The following RAI2 variants were observed in gnomAD, a reference collection of about 807,000 sequenced individuals.
RAI2 encodes retinoic acid-induced protein 2.
A neutral mutation model predicts 15.3 loss-of-function variants in RAI2; 5 were observed. The observed-to-expected ratio is 0.33, with a 90% CI of 0.17 to 0.69. The LOEUF (loss-of-function observed/expected upper bound fraction) is 0.69. RAI2 is among the 30% of genes least tolerant of loss of function. The probability of loss-of-function intolerance (pLI) is 0.69; values close to 1 mark genes in which losing one functional copy is unlikely to be tolerated. For synonymous variants in RAI2, 191 were observed against 184.0 expected (o/e 1.04, Z -0.31); for missense variants, 424 against 424.7 (o/e 1.00, Z 0.01).
At chrX:17,852,967 C>T (rs916572801) in intron 1 of RAI2, among the ~76,000 whole-genome samples, 15 of 108,889 alleles carry the variant, frequency 1.4e-4, no homozygotes, top group African/African-American at 5.0e-4. Context: ...TACAATATTA[C>T]GAGCAGAGCT....
chrX:17,827,273 G>C (rs2067237767), intron 1 of RAI2, among the ~76,000 whole-genome samples: 2 of 111,924 alleles, frequency 1.8e-5, no homozygotes. Context: ...ACAGAATCAT[G>C]GCTCAGAACC....
intron 1 of RAI2, among the ~76,000 whole-genome samples, chrX:17,834,506 C>T (rs984832363): frequency 5.5e-5 from 6 of 109,859 alleles, no homozygotes; most frequent in African/African-American, 2.0e-4. Flanking sequence ...ATACACACAG[C>T]GTGCCTATCT....
intron 1 of RAI2, among the ~76,000 whole-genome samples, chrX:17,827,282 C>A (rs1245836305): frequency 8.9e-6 from 1 of 112,000 alleles, no homozygotes; most frequent in East Asian, 2.8e-4. Flanking sequence ...TGGCTCAGAA[C>A]CCCGCCCAAG....
At chrX:17,844,717 CA>C (rs1214503396) in intron 1 of RAI2, among the ~76,000 whole-genome samples, 1 of 112,483 alleles carries the variant, frequency 8.9e-6, no homozygotes, top group African/African-American at 3.2e-5. Context: ...TGTGATACAA[CA>C]AATCTATGCT....
chrX:17,850,448 T>C (rs1386545491), intron 1 of RAI2, among the ~76,000 whole-genome samples: 2 of 112,650 alleles, frequency 1.8e-5, no homozygotes, highest in African/African-American at 6.5e-5. Flanking sequence ...CTCTCAGCAT[T>C]GAGGCTGCAC....
intron 1 of RAI2, among the ~76,000 whole-genome samples, chrX:17,856,900 G>T (rs1330595716): frequency 8.9e-6 from 1 of 111,754 alleles, no homozygotes. Context: ...GGAGAGAGGA[G>T]GGTCATGTGT....
In RAI2 at chrX:17,800,972, C is replaced by G. The variant is rs771683525; in HGVS notation, c.1039G>C (p.Val347Leu). 3.3e-6 allele frequency: 4 copies of G among 1,209,163 alleles called. No homozygotes were observed. The Admixed American group carries it at 8.7e-5, about 26-fold the overall frequency. The change falls in exon 2 of 2, where the codon GTG becomes CTG. Residue 347 changes from valine to leucine, a missense_variant. Physicochemically the swap from Val to Leu is conservative, Grantham distance 32 (BLOSUM62 1). Coordinates refer to ENST00000451717, the MANE Select transcript of RAI2 (RefSeq NM_021785.6). ...GGCTCGGATTTCCGGTGGGCTGCCA[C>G]TGACAGGTCTAGGGCTGCATCTTCC... Reference protein sequence around the residue: ...FQEDAALDLSVAAHRKSEPPP... With the variant: ...FQEDAALDLSLAAHRKSEPPP...
At chrX:17,824,412 T>C (rs923650629) in intron 1 of RAI2, among the ~76,000 whole-genome samples, 2 of 112,379 alleles carry the variant, frequency 1.8e-5, no homozygotes, top group Non-Finnish European at 3.8e-5. Context: ...CATACCTTTT[T>C]CTTTCATTAG....
At chrX:17,830,206 T>C (rs779865463) in intron 1 of RAI2, among the ~76,000 whole-genome samples, 10 of 112,488 alleles carry the variant, frequency 8.9e-5, no homozygotes, top group Non-Finnish European at 1.7e-4. Flanking sequence ...TCCACAATAG[T>C]GTCTAGCAAA....
Position 17,851,608 on chromosome X carries a change from TA to T in RAI2, c.-25+9489del, listed in dbSNP as rs1330533597. On this transcript the variant is annotated intron_variant, in intron 1 of 1. Transcript: ENST00000451717. ...CAATCCATTCCCATCCATTGATTGC[TA>T]GCCAATCAATGACCATTGTAATCTG... 4.5e-5 allele frequency among the ~76,000 whole-genome samples: 5 copies of T among 111,761 alleles called. No homozygotes were observed. The East Asian group carries it at 1.4e-3, about 32-fold the overall frequency.
intron 1 of RAI2, among the ~76,000 whole-genome samples, chrX:17,840,917 T>G (rs765979843): frequency 8.9e-6 from 1 of 111,797 alleles, no homozygotes; most frequent in Non-Finnish European, 1.9e-5. Context: ...TCTGGGTACC[T>G]AGGAAGATAA....
chrX:17,825,426 G>C (rs1482167750), intron 1 of RAI2, among the ~76,000 whole-genome samples: 1 of 112,703 alleles, frequency 8.9e-6, no homozygotes, highest in East Asian at 2.8e-4. Flanking sequence ...AGCCACATAG[G>C]GGACAACCAT....
intron 1 of RAI2, among the ~76,000 whole-genome samples, chrX:17,815,903 G>A (rs2067102158): frequency 9.0e-6 from 1 of 111,007 alleles, no homozygotes; most frequent in Admixed American, 9.6e-5. Flanking sequence ...AGGCCCTGAC[G>A]AGCAGGAAGC....
rs149593643 is a variant in RAI2 at position 17,849,060 on chromosome X, C to T, written c.-25+12038G>A. Reference sequence around the variant, plus strand: ...CAGGACAGCAGTGGGAAGGAAGCTTCTCCCTGCTGACTTGAGCCAGCGACC... The same window carrying T: ...CAGGACAGCAGTGGGAAGGAAGCTTTTCCCTGCTGACTTGAGCCAGCGACC... On this transcript the variant is annotated intron_variant, in intron 1 of 1. Coordinates refer to ENST00000451717, the MANE Select transcript of RAI2 (RefSeq NM_021785.6). Among the ~76,000 whole-genome samples, 195 of 112,678 alleles carry T rather than the reference C, an allele frequency of 1.7e-3. 1 individual carries two copies. The highest frequency in any genetic ancestry group is 5.9e-3 in the African/African-American group (183 of 31,027).
At chrX:17,842,105 C>G (rs949532463) in intron 1 of RAI2, among the ~76,000 whole-genome samples, 1 of 111,999 alleles carries the variant, frequency 8.9e-6, no homozygotes, top group Non-Finnish European at 1.9e-5. Flanking sequence ...ACCCACTGTA[C>G]AGTTGGCATC....
At chrX:17,807,413 C>T (rs190280113) in intron 1 of RAI2, among the ~76,000 whole-genome samples, 12 of 112,019 alleles carry the variant, frequency 1.1e-4, no homozygotes, top group African/African-American at 1.9e-4. Flanking sequence ...CACAAATGAA[C>T]GCCTAAGCCT....
chrX:17,825,456 G>T (rs1036178891), intron 1 of RAI2, among the ~76,000 whole-genome samples: 2 of 112,793 alleles, frequency 1.8e-5, no homozygotes, highest in African/African-American at 3.2e-5. Context: ...GCACTGAGAA[G>T]GCTGAGGTCA....
In RAI2 at chrX:17,818,178, G is replaced by A. The variant is rs180772964; in HGVS notation, c.-24-16144C>T. Among the ~76,000 whole-genome samples the A allele has an allele frequency of 2.7e-5, 3 of 112,293 alleles. No homozygotes were observed. In the East Asian group the frequency reaches 8.4e-4, roughly 32 times the overall value. ...ACCCACCTCAAGCCCTGCAATAAAC[G>A]TCAGAGCTGACTTGAACCCAGCCTC... On this transcript the variant is annotated intron_variant, in intron 1 of 1. Transcript: ENST00000451717.
intron 1 of RAI2, among the ~76,000 whole-genome samples, chrX:17,854,488 C>A (rs925683707): frequency 8.9e-6 from 1 of 112,276 alleles, no homozygotes; most frequent in African/African-American, 3.2e-5. Flanking sequence ...TATGTTCATA[C>A]AGTCAGCCTG....
Sources: gnomAD v4.1 joint callset for allele counts (sites outside exome capture counted in the v4.1 genomes callset) on GRCh38, gnomAD v4.1.1 for gene constraint, MANE v1.5 for transcripts, NCBI Gene and HGNC (gene_info 2026-07-23, HGNC 2026-07-21) for gene names.